ESRRG: variants seen among roughly 807,000 people sequenced by gnomAD.
ESRRG encodes the protein estrogen-related receptor gamma.
ESRRG carries 13 observed loss-of-function variants against 44.0 expected under a neutral mutation model. The observed-to-expected ratio is 0.30, with a 90% CI of 0.19 to 0.47. ESRRG has a LOEUF of 0.47. ESRRG is among the 20% of genes least tolerant of loss of function. ESRRG has a pLI of 1.00. For missense variants in ESRRG, 395 were observed against 580.6 expected (o/e 0.68, Z 3.29); for synonymous variants, 215 against 214.6 (o/e 1.00, Z -0.02).
chr1:216,863,090 C>A (rs902574650), intron 2 of ESRRG: 1 of 152,044 alleles, frequency 6.6e-6, no homozygotes, highest in African/African-American at 2.4e-5. Flanking sequence ...CTTTGATACC[C>A]ATCAGAATTG....
At position 216,903,369 on chromosome 1, in the gene ESRRG, G is replaced by A. The variant is rs192764615; in HGVS notation, c.-14+36213C>T. ...AAAAGGCACTTAGACAAAGAGAGCC[G>A]TGTGTGTTTGTGTGTCTGTGGCTGT... On this transcript the variant is annotated intron_variant, in intron 2 of 7. Coordinates refer to the ESRRG transcript ENST00000359162. 2.8e-3 allele frequency among the ~76,000 whole-genome samples: 432 copies of A among 152,060 alleles called. 3 individuals carry two copies. The highest frequency in any genetic ancestry group is 7.9e-3 in the African/African-American group (326 of 41,506).
intron 1 of ESRRG, among the ~76,000 whole-genome samples, chr1:217,076,275 A>G (rs1004151269): frequency 9.9e-5 from 15 of 152,266 alleles, no homozygotes; most frequent in African/African-American, 2.9e-4. Context: ...CCAAATCTGG[A>G]TAAAGACACG....
intron 1 of ESRRG, among the ~76,000 whole-genome samples, chr1:217,117,475 C>T (rs1026385414): frequency 6.6e-6 from 1 of 152,004 alleles, no homozygotes; most frequent in Non-Finnish European, 1.5e-5. Context: ...GTCCCAGGTA[C>T]TCTGGAGGCT....
At chr1:216,990,022 C>A (rs371412792) in intron 1 of ESRRG, among the ~76,000 whole-genome samples, 8 of 152,098 alleles carry the variant, frequency 5.3e-5, no homozygotes, top group East Asian at 3.8e-4. Context: ...ACATAATGAT[C>A]TACAGAAACA....
At chr1:216,822,133 GT>G (rs1216671386) in intron 2 of ESRRG, among the ~76,000 whole-genome samples, 1 of 152,134 alleles carries the variant, frequency 6.6e-6, no homozygotes, top group African/African-American at 2.4e-5. Context: ...TTCTTTTAGA[GT>G]TGTATGAAAT....
chr1:216,586,641 A>G (rs980658031), intron 3 of ESRRG, among the ~76,000 whole-genome samples: 9 of 142,104 alleles, frequency 6.3e-5, no homozygotes, highest in African/African-American at 2.4e-4. Context: ...CAGTGGCACC[A>G]TCTCGGCTTA....
Position 216,880,194 on chromosome 1 carries a change from C to T in ESRRG, c.-14+59388G>A, listed in dbSNP as rs1012040124. ...TGGTGGTGGGCGCCTGTAATCTCAG[C>T]TACTCTGGAGGCTGAGGCAGGAGAA... On this transcript the variant is annotated intron_variant, in intron 2 of 7. Transcript: ENST00000359162. 2.7e-5 allele frequency among the ~76,000 whole-genome samples: 4 copies of T among 148,462 alleles called. No individual in the cohort carries two copies. The Admixed American group carries it at 2.7e-4, about 10-fold the overall frequency.
At chr1:217,133,657 T>TCTC (rs1558298475) in intron 1 of ESRRG, among the ~76,000 whole-genome samples, 2 of 59,064 alleles carry the variant, frequency 3.4e-5, no homozygotes, top group African/African-American at 7.7e-5. Context: ...CTTTCTTTCT[T>TCTC]TCTTTCTTTC....
chr1:217,113,446 G>A (rs1318859338), intron 1 of ESRRG, among the ~76,000 whole-genome samples: 1 of 152,080 alleles, frequency 6.6e-6, no homozygotes, highest in East Asian at 1.9e-4. Flanking sequence ...GTAGGAGTGG[G>A]GCAGGTAACT....
intron 1 of ESRRG, among the ~76,000 whole-genome samples, chr1:217,042,473 A>AC (rs2084037994): frequency 7.2e-5 from 10 of 138,970 alleles, no homozygotes; most frequent in South Asian, 2.5e-4. Flanking sequence ...TACACACACA[A>AC]ACACACACAC....
At chr1:216,657,314 C>T (rs898161828) in intron 2 of ESRRG, among the ~76,000 whole-genome samples, 12 of 152,072 alleles carry the variant, frequency 7.9e-5, no homozygotes, top group Non-Finnish European at 1.2e-4. Context: ...TCAAAGAAGG[C>T]GTCCACAGTT....
intron 1 of ESRRG, among the ~76,000 whole-genome samples, chr1:217,054,417 T>C (rs2086685388): frequency 6.6e-6 from 1 of 152,212 alleles, no homozygotes; most frequent in Admixed American, 6.5e-5. Context: ...GTCTTGGAAA[T>C]GTCCACGTGA....
chr1:217,083,843 G>T (rs188121477), intron 1 of ESRRG, among the ~76,000 whole-genome samples: 64 of 152,260 alleles, frequency 4.2e-4, no homozygotes, highest in East Asian at 2.5e-3. Flanking sequence ...TATAGCCCAT[G>T]TTTACTATAG....
At chr1:216,951,869 T>C (rs1390556786) in intron 1 of ESRRG, among the ~76,000 whole-genome samples, 6 of 150,666 alleles carry the variant, frequency 4.0e-5, no homozygotes, top group African/African-American at 1.5e-4. Flanking sequence ...CATATACACA[T>C]ACTATATATA....
chr1:216,554,845 G>A (rs2057194547), intron 5 of ESRRG, among the ~76,000 whole-genome samples: 1 of 152,120 alleles, frequency 6.6e-6, no homozygotes, highest in Non-Finnish European at 1.5e-5. Flanking sequence ...ACAAGAAAGA[G>A]GGAAATGAAC....
chr1:216,931,687 C>G (rs2063359300), intron 2 of ESRRG, among the ~76,000 whole-genome samples: 1 of 152,120 alleles, frequency 6.6e-6, no homozygotes, highest in Non-Finnish European at 1.5e-5. Context: ...AATCCCTGTG[C>G]TCTGCAGTCA....
intron 1 of ESRRG, among the ~76,000 whole-genome samples, chr1:216,683,926 C>T (rs2077480044): frequency 6.6e-6 from 1 of 152,142 alleles, no homozygotes. Flanking sequence ...GATGGTTTGT[C>T]ACTCAATCTG....
intron 1 of ESRRG, among the ~76,000 whole-genome samples, chr1:217,133,661 T>TCTCTCTC (rs1558298499): frequency 1.4e-5 from 2 of 142,818 alleles, no homozygotes; most frequent in Non-Finnish European, 3.1e-5. Context: ...CTTTCTTTCT[T>TCTCTCTC]TCTTTCTTTC....
At chr1:216,924,752 G>C (rs917303482) in intron 2 of ESRRG, among the ~76,000 whole-genome samples, 1 of 152,122 alleles carries the variant, frequency 6.6e-6, no homozygotes, top group Non-Finnish European at 1.5e-5. Context: ...CTCCAGCCAC[G>C]GTGTATTTAT....
Sources: allele counts gnomAD v4.1 joint callset (sites outside exome capture counted in the v4.1 genomes callset), GRCh38; gene constraint gnomAD v4.1.1; transcripts MANE v1.5; gene names NCBI Gene and HGNC (gene_info 2026-07-23, HGNC 2026-07-21).